The following TTC28 variants were observed in gnomAD, a reference collection of about 807,000 sequenced individuals.
The protein encoded by TTC28 is tetratricopeptide repeat domain 28.
TTC28 carries 61 observed loss-of-function variants against 198.0 expected under a neutral mutation model. The observed-to-expected ratio is 0.31, with a 90% CI of 0.25 to 0.38. The LOEUF is 0.38. Ranked by LOEUF, TTC28 falls within the 10% of genes least tolerant of loss-of-function variation. TTC28 has a pLI of 1.00. For synonymous variants in TTC28, 1,171 were observed against 1,297.8 expected (o/e 0.90, Z 2.10); for missense variants, 2,678 against 3,164.0 (o/e 0.85, Z 3.69).
intron 12 of TTC28, among the ~76,000 whole-genome samples, chr22:28,093,131 A>G (rs1941862775): frequency 6.6e-6 from 1 of 152,186 alleles, no homozygotes; most frequent in Non-Finnish European, 1.5e-5. Flanking sequence ...GCCCCTTCCA[A>G]TATTGACATT....
rs1163386384 is a variant in TTC28, at chr22:28,001,556, A to G, written c.4219-3T>C. ...GGGCCGCTGGAGTGCATCAGGCCCT[A>G]TGGAGCAAGCACGGAGAGGCTGACA... is the stretch of plus-strand genomic sequence containing the variant. On this transcript the variant is annotated splice_region_variant and splice_polypyrimidine_tract_variant and intron_variant, in intron 14 of 22. Coordinates refer to ENST00000397906, the MANE Select transcript of TTC28 (RefSeq NM_001145418.2). The G allele has an allele frequency of 6.5e-6, 10 of 1,548,634 alleles. No individual in the cohort carries two copies. The highest frequency in any genetic ancestry group is 2.4e-5 in the East Asian group (1 of 40,820).
intron 2 of TTC28, among the ~76,000 whole-genome samples, chr22:28,474,397 A>C (rs1224635540): frequency 3.9e-5 from 6 of 152,166 alleles, no homozygotes; most frequent in Non-Finnish European, 5.9e-5. Flanking sequence ...AAGGCTAAAA[A>C]CTGGAAGAGA....
chr22:28,378,244 G>A (rs1250620423), intron 2 of TTC28, among the ~76,000 whole-genome samples: 2 of 151,482 alleles, frequency 1.3e-5, no homozygotes, highest in African/African-American at 4.9e-5. Flanking sequence ...TGCTTGGGAG[G>A]CTGAGGCATG....
At chr22:28,306,714 A>T in intron 2 of TTC28, 71 bp from the exon 3 acceptor site, 3 of 1,488,658 alleles carry the variant, frequency 2.0e-6, no homozygotes, top group Non-Finnish European at 2.7e-6. Context: ...TCTTTACTAG[A>T]ACAACAGGTC....
intron 13 of TTC28, among the ~76,000 whole-genome samples, chr22:28,021,782 C>A (rs985202180): frequency 1.3e-5 from 2 of 152,146 alleles, no homozygotes; most frequent in Non-Finnish European, 2.9e-5. Context: ...GCACTTGGTT[C>A]CTTCATGGTC....
In TTC28 at chr22:28,423,012, T is replaced by C. The variant is rs569637005; in HGVS notation, c.382-116369A>G. Among the ~76,000 whole-genome samples, 43 of 152,266 alleles carry C rather than the reference T, an allele frequency of 2.8e-4. 1 individual carries two copies. The South Asian group carries it at 8.7e-3, about 31-fold the overall frequency. ...TTTTTTAATGAAGAAATACAGATAA[T>C]ACATACCATGTATCTGTCATGTAAA... On this transcript the variant is annotated intron_variant, in intron 2 of 22. Coordinates refer to ENST00000397906, the MANE Select transcript of TTC28 (RefSeq NM_001145418.2).
chr22:28,389,679 A>C (rs1371534740), intron 2 of TTC28, among the ~76,000 whole-genome samples: 1 of 150,720 alleles, frequency 6.6e-6, no homozygotes, highest in East Asian at 1.9e-4. Flanking sequence ...CTGTGGTATC[A>C]GTGGTGATAT....
At chr22:28,074,387 A>T (rs1941098760) in intron 12 of TTC28, among the ~76,000 whole-genome samples, 1 of 152,206 alleles carries the variant, frequency 6.6e-6, no homozygotes, top group African/African-American at 2.4e-5. Context: ...GGAAGGACTG[A>T]ATGTCTGAAT....
At chr22:28,313,457 T>C (rs1275167748) in intron 2 of TTC28, among the ~76,000 whole-genome samples, 1 of 151,890 alleles carries the variant, frequency 6.6e-6, no homozygotes, top group East Asian at 1.9e-4. Flanking sequence ...GATGCGAAAA[T>C]CCTCAGTAAA....
chr22:28,167,378 T>C (rs1241322989), intron 5 of TTC28, among the ~76,000 whole-genome samples: 5 of 152,100 alleles, frequency 3.3e-5, no homozygotes, highest in African/African-American at 1.2e-4. Context: ...AAAAAGAGAA[T>C]TTTAGACCAA....
chr22:28,529,666 C>T (rs949660324), intron 2 of TTC28, among the ~76,000 whole-genome samples: 3 of 152,218 alleles, frequency 2.0e-5, no homozygotes, highest in Non-Finnish European at 2.9e-5. Context: ...TAGGGGCCAA[C>T]TGACACCTCA....
chr22:28,046,141 A>G (rs1487360027), intron 12 of TTC28, among the ~76,000 whole-genome samples: 1 of 152,248 alleles, frequency 6.6e-6, no homozygotes, highest in Non-Finnish European at 1.5e-5. Context: ...TGTTGTCCTT[A>G]GTGAAAATGC....
chr22:28,042,803 G>A (rs967536331), intron 12 of TTC28, among the ~76,000 whole-genome samples: 2 of 152,116 alleles, frequency 1.3e-5, no homozygotes, highest in African/African-American at 4.8e-5. Flanking sequence ...TCTATGGGCT[G>A]CCTCACATAG....
intron 2 of TTC28, among the ~76,000 whole-genome samples, chr22:28,479,209 C>T (rs2048210555): frequency 1.3e-5 from 2 of 152,324 alleles, no homozygotes; most frequent in East Asian, 3.9e-4. Flanking sequence ...AAAAGAGGTA[C>T]TCAATGCAGA....
chr22:28,072,124 G>C (rs1941008316), intron 12 of TTC28, among the ~76,000 whole-genome samples: 1 of 152,202 alleles, frequency 6.6e-6, no homozygotes, highest in African/African-American at 2.4e-5. Flanking sequence ...GAAGTGGATA[G>C]GAAAAGGCTA....
chr22:28,458,218 TAAC>T (rs1281631929), intron 2 of TTC28, among the ~76,000 whole-genome samples: 1 of 152,120 alleles, frequency 6.6e-6, no homozygotes, highest in African/African-American at 2.4e-5. Flanking sequence ...TCCAAAATAA[TAAC>T]ACAATACATT....
At chr22:28,507,199 T>A (rs534909550) in intron 2 of TTC28, among the ~76,000 whole-genome samples, 1 of 152,224 alleles carries the variant, frequency 6.6e-6, no homozygotes, top group African/African-American at 2.4e-5. Context: ...AATAGCCAGT[T>A]TAGAGAGAAA....
chr22:28,619,147 T>C, intron 2 of TTC28, among the ~76,000 whole-genome samples: 1 of 152,168 alleles, frequency 6.6e-6, no homozygotes, highest in Non-Finnish European at 1.5e-5. Flanking sequence ...ATAGTTTTAC[T>C]AAAAAGCATG....
At position 27,998,633 on chromosome 22, in the gene TTC28, G is replaced by A; in HGVS notation, c.5026C>T (p.Leu1676=). The A allele has an allele frequency of 1.3e-6, 2 of 1,550,860 alleles. No individual in the cohort carries two copies. Among genetic ancestry groups the A allele is most frequent in the East Asian group, 2.4e-5 (1 of 40,918 alleles). Reference sequence around the variant, plus strand: ...GCGCTGGCTTTCAGGCCGTTCAGCAGGGATGAGTAGAAGGCATGGATGAAC... The same window carrying A: ...GCGCTGGCTTTCAGGCCGTTCAGCAAGGATGAGTAGAAGGCATGGATGAAC... ...KMFIHAFYSS[L]LNGLKASAAL... Residue 1676 remains leucine (L), a synonymous_variant, in exon 16 of 23, where the codon CTG becomes TTG. Coordinates refer to ENST00000397906, the MANE Select transcript of TTC28 (RefSeq NM_001145418.2).
Sources: allele counts gnomAD v4.1 joint callset (sites outside exome capture counted in the v4.1 genomes callset), GRCh38; gene constraint gnomAD v4.1.1; transcripts MANE v1.5; gene names NCBI Gene and HGNC (gene_info 2026-07-23, HGNC 2026-07-21).